Variants in CSMD1 observed in about 807,000 individuals in gnomAD.
CSMD1 encodes CUB and Sushi multiple domains 1.
In CSMD1, 213 loss-of-function variants were observed where a neutral mutation model predicts 417.5. The ratio of observed to expected loss-of-function variants is 0.51; its 90% CI spans 0.46 to 0.57. The LOEUF is 0.57. Among genes scored for constraint, CSMD1 ranks in the 20% least tolerant of loss-of-function variants. The probability of loss-of-function intolerance (pLI) is 0.00; values close to 1 mark genes in which losing one functional copy is unlikely to be tolerated. For synonymous variants in CSMD1, 2,862 were observed against 1,736.8 expected (o/e 1.65, Z -16.11); for missense variants, 6,923 against 4,529.7 (o/e 1.53, Z -15.17).
At chr8:4,191,471 C>T (rs970942906) in intron 3 of CSMD1, among the ~76,000 whole-genome samples, 1 of 152,014 alleles carries the variant, frequency 6.6e-6, no homozygotes, top group Non-Finnish European at 1.5e-5. Context: ...CAAGATAGAA[C>T]TAAAAGCATT....
Position 3,107,782 on chromosome 8 carries a change from T to C in CSMD1, c.6771A>G (p.Lys2257=). ...GTGGAACCGCTGGGGGAGGTTGACA[T>C]TTCTTGAGCTGAAATGCTAAATGAT... is the stretch of plus-strand genomic sequence containing the variant. ...VLNFHAFQLK[K]CQPPPAVPQA... Residue 2257 remains lysine, a synonymous_variant, in exon 45 of 70, where the codon AAA becomes AAG. Transcript: ENST00000635120. The C allele has an allele frequency of 3.2e-6, 5 of 1,582,780 alleles. No individual in the cohort carries two copies. The highest frequency in any genetic ancestry group is 3.4e-6 in the Non-Finnish European group (4 of 1,169,670).
rs1035989305 is a variant in CSMD1, at chr8:2,954,217, T to C, written c.10039+7A>G. The C allele has an allele frequency of 1.3e-6, 2 of 1,486,430 alleles. No individual in the cohort carries two copies. The highest frequency in any genetic ancestry group is 1.2e-5 in the South Asian group (1 of 80,274). The allele number at this position is 1,486,430 out of a possible 1,614,324, so 92.1% of individuals were successfully genotyped here. On this transcript the variant is annotated splice_region_variant and intron_variant, in intron 65 of 69. Coordinates refer to ENST00000635120, the MANE Select transcript of CSMD1 (RefSeq NM_033225.6). ...ATTGAAATCTAGAACTGTTCTGGTATACAAACCTGGAGTTTTAGTAACTGT... is the reference window on the plus strand; with the variant it reads ...ATTGAAATCTAGAACTGTTCTGGTACACAAACCTGGAGTTTTAGTAACTGT...
chr8:4,382,996 G>T (rs1803203360), intron 3 of CSMD1, among the ~76,000 whole-genome samples: 1 of 152,166 alleles, frequency 6.6e-6, no homozygotes, highest in African/African-American at 2.4e-5. Flanking sequence ...ACCATCGTCT[G>T]TATATCAGCG....
intron 2 of CSMD1, among the ~76,000 whole-genome samples, chr8:4,465,975 G>C (rs543365214): frequency 2.0e-5 from 3 of 152,314 alleles, no homozygotes; most frequent in African/African-American, 4.8e-5. Context: ...GAGAGACAAG[G>C]ACAGATGGGA....
chr8:3,063,749 C>G (rs933140128), intron 49 of CSMD1, among the ~76,000 whole-genome samples: 1 of 152,096 alleles, frequency 6.6e-6, no homozygotes, highest in Non-Finnish European at 1.5e-5. Flanking sequence ...CTATGTGATT[C>G]TACTTATGTG....
intron 1 of CSMD1, among the ~76,000 whole-genome samples, chr8:4,746,685 T>A (rs2117029683): frequency 6.6e-6 from 1 of 152,266 alleles, no homozygotes; most frequent in South Asian, 2.1e-4. Flanking sequence ...CATCTGCTGC[T>A]GAGCACATAC....
chr8:4,932,379 A>G (rs1264147715), intron 1 of CSMD1, among the ~76,000 whole-genome samples: 4 of 152,082 alleles, frequency 2.6e-5, no homozygotes, highest in Non-Finnish European at 2.9e-5. Flanking sequence ...AGAAACTAGA[A>G]TATCTACAGA....
In CSMD1 at chr8:4,089,887, G is replaced by C. The variant is rs7003254; in HGVS notation, c.416-57788C>G. Among the ~76,000 whole-genome samples the C allele has an allele frequency of 5.9e-5, 9 of 152,096 alleles. No homozygotes were observed. The East Asian group carries it at 1.4e-3, about 23-fold the overall frequency. ...ACCACAGAGAAGTACCTGCAGAGCT[G>C]TGGGGTCAGGGACCTGATTGGAATG... On this transcript the variant is annotated intron_variant, in intron 3 of 69. Coordinates refer to ENST00000635120, the MANE Select transcript of CSMD1 (RefSeq NM_033225.6).
chr8:4,969,218 T>G (rs1193414522), intron 1 of CSMD1, among the ~76,000 whole-genome samples: 1 of 152,138 alleles, frequency 6.6e-6, no homozygotes, highest in Non-Finnish European at 1.5e-5. Flanking sequence ...TGCTAGTGAC[T>G]TGTACAACAA....
At chr8:4,245,975 A>G (rs1802684184) in intron 3 of CSMD1, among the ~76,000 whole-genome samples, 2 of 152,210 alleles carry the variant, frequency 1.3e-5, no homozygotes, top group Admixed American at 6.5e-5. Flanking sequence ...AGGGCCGTGG[A>G]CAGGGATGGT....
intron 5 of CSMD1, among the ~76,000 whole-genome samples, chr8:3,759,367 C>G (rs1164999510): frequency 6.6e-6 from 1 of 152,084 alleles, no homozygotes; most frequent in Non-Finnish European, 1.5e-5. Context: ...CTATTCATAA[C>G]CTTACTGAAT....
intron 23 of CSMD1, among the ~76,000 whole-genome samples, chr8:3,314,810 T>G (rs377111262): frequency 6.6e-6 from 1 of 152,246 alleles, no homozygotes; most frequent in Non-Finnish European, 1.5e-5. Flanking sequence ...GTATTCGGAT[T>G]AGTTCTTATC....
chr8:4,438,919 A>G (rs1287626097), intron 2 of CSMD1, among the ~76,000 whole-genome samples: 1 of 152,264 alleles, frequency 6.6e-6, no homozygotes, highest in African/African-American at 2.4e-5. Context: ...ATGCATAAGT[A>G]ACAATATATG....
chr8:4,630,717 T>TA (rs1025626769), intron 2 of CSMD1, among the ~76,000 whole-genome samples: 1 of 152,146 alleles, frequency 6.6e-6, no homozygotes, highest in African/African-American at 2.4e-5. Context: ...CCACCTCTGG[T>TA]GCCCTCACTA....
At chr8:3,955,807 G>C (rs916761577) in intron 5 of CSMD1, among the ~76,000 whole-genome samples, 4 of 152,168 alleles carry the variant, frequency 2.6e-5, no homozygotes, top group Non-Finnish European at 1.5e-5. Flanking sequence ...CATATCTCTG[G>C]TTGATTAACT....
chr8:4,317,784 ATATAG>A (rs1405446406), intron 3 of CSMD1, among the ~76,000 whole-genome samples: 1 of 152,168 alleles, frequency 6.6e-6, no homozygotes, highest in Non-Finnish European at 1.5e-5. Flanking sequence ...GTTTTCTTTT[ATATAG>A]TAAAGTGCCT....
Position 3,666,699 on chromosome 8 carries a change from T to G in CSMD1, c.1009+41715A>C, listed in dbSNP as rs554944505. ...GGTAGTGAATAAGTCTCATGCAATCTGATGTCTTTATAAGGGGAAACCCCT... is the reference window on the plus strand; with the variant it reads ...GGTAGTGAATAAGTCTCATGCAATCGGATGTCTTTATAAGGGGAAACCCCT... On this transcript the variant is annotated intron_variant, in intron 7 of 69. Coordinates refer to ENST00000635120, the MANE Select transcript of CSMD1 (RefSeq NM_033225.6). 3.2e-4 allele frequency among the ~76,000 whole-genome samples: 48 copies of G among 152,296 alleles called. No individual in the cohort carries two copies. In the Middle Eastern group the frequency reaches 0.01, roughly 32 times the overall value.
At chr8:4,806,759 C>G (rs182947084) in intron 1 of CSMD1, among the ~76,000 whole-genome samples, 1 of 152,156 alleles carries the variant, frequency 6.6e-6, no homozygotes, top group African/African-American at 2.4e-5. Flanking sequence ...GAAAACCACC[C>G]ATTTGATCAC....
intron 52 of CSMD1, 28 bp downstream of exon 52, chr8:3,018,449 G>A: frequency 6.2e-7 from 1 of 1,605,562 alleles, no homozygotes; most frequent in Non-Finnish European, 8.5e-7. Flanking sequence ...TCTGCATTAA[G>A]TAAGTGCCAG....
Sources: allele counts gnomAD v4.1 joint callset (sites outside exome capture counted in the v4.1 genomes callset), GRCh38; gene constraint gnomAD v4.1.1; transcripts MANE v1.5; gene names NCBI Gene and HGNC (gene_info 2026-07-23, HGNC 2026-07-21).